Variants in SGK1 observed in about 807,000 individuals in gnomAD.
SGK1 encodes serum/glucocorticoid regulated kinase 1.
In SGK1, 26 loss-of-function variants were observed where a neutral mutation model predicts 64.2. That is an observed-to-expected ratio of 0.40 (90% confidence interval 0.30 to 0.56). The LOEUF (loss-of-function observed/expected upper bound fraction) is 0.56. Ranked by LOEUF, SGK1 falls within the 20% of genes least tolerant of loss-of-function variation. SGK1 has a pLI of 0.38. For missense variants in SGK1, 519 were observed against 645.6 expected (o/e 0.80, Z 2.12); for synonymous variants, 265 against 239.7 (o/e 1.11, Z -0.98).
Position 134,169,749 on chromosome 6 carries a change from A to T in SGK1, c.*519T>A, listed in dbSNP as rs1774947223. ...AGAAACAAACAATGTCCCACGTTGT[A>T]GTGTCCTGCAAGTGTCACATTGATG... On this transcript the variant is annotated 3_prime_UTR_variant, in exon 14 of 14. Coordinates refer to ENST00000367858, the MANE Select transcript of SGK1 (RefSeq NM_001143676.3). The T allele has an allele frequency of 6.5e-6, 1 of 152,722 alleles. No homozygotes were observed. The highest frequency in any genetic ancestry group is 2.1e-4 in the South Asian group (1 of 4,830). The allele number at this position is 152,722 out of a possible 1,614,324, so 9.5% of individuals were successfully genotyped here.
chr6:134,192,670 A>C (rs945096643), intron 3 of SGK1, among the ~76,000 whole-genome samples: 10 of 150,890 alleles, frequency 6.6e-5, no homozygotes, highest in African/African-American at 2.4e-4. Context: ...CCCGGGTTCA[A>C]GCGATTCCCC....
At chr6:134,215,782 T>C (rs1229932185) in intron 2 of SGK1, among the ~76,000 whole-genome samples, 4 of 152,010 alleles carry the variant, frequency 2.6e-5, no homozygotes, top group African/African-American at 9.7e-5. Flanking sequence ...TTTGGGAGGC[T>C]GAGGCAGGTG....
At chr6:134,212,831 C>T (rs1306732229) in intron 2 of SGK1, among the ~76,000 whole-genome samples, 1 of 152,134 alleles carries the variant, frequency 6.6e-6, no homozygotes, top group African/African-American at 2.4e-5. Flanking sequence ...GGGAAAATTG[C>T]CATATGCGAG....
At chr6:134,233,084 A>G (rs1342857237) in intron 2 of SGK1, among the ~76,000 whole-genome samples, 1 of 146,466 alleles carries the variant, frequency 6.8e-6, no homozygotes, top group Non-Finnish European at 1.5e-5. Flanking sequence ...CTATCTCTAT[A>G]CTTTAGTATA....
chr6:134,213,614 C>CT (rs1159545180), intron 2 of SGK1, among the ~76,000 whole-genome samples: 2 of 23,462 alleles, frequency 8.5e-5, no homozygotes, highest in Non-Finnish European at 3.0e-4. Context: ...AACTCTGTCT[C>CT]AAAATAAATA....
At chr6:134,234,426 A>G (rs913491585) in intron 2 of SGK1, among the ~76,000 whole-genome samples, 6 of 152,252 alleles carry the variant, frequency 3.9e-5, no homozygotes, top group Non-Finnish European at 8.8e-5. Flanking sequence ...TAAAATACAA[A>G]TAAAAAACCA....
intron 2 of SGK1, among the ~76,000 whole-genome samples, chr6:134,225,338 G>A (rs1310171596): frequency 7.2e-6 from 1 of 138,906 alleles, no homozygotes; most frequent in Admixed American, 7.4e-5. Context: ...GTGACAGAGC[G>A]AGACTCCATC....
In SGK1 at chr6:134,305,363, CAAAAAAAAAAA is replaced by C. The variant is rs34637536; in HGVS notation, c.69+12018_69+12028del. Reference sequence around the variant, plus strand: ...TGGGCAACAGAGTGATACTTCATCTCAAAAAAAAAAAAAAAAAAAAAAAGGGAAAGAAAACC... The same window carrying C: ...TGGGCAACAGAGTGATACTTCATCTCAAAAAAAAAAAAGGGAAAGAAAACC... On this transcript the variant is annotated intron_variant, in intron 1 of 13. Transcript: ENST00000367858. Among the ~76,000 whole-genome samples, 237 of 65,630 alleles carry C rather than the reference CAAAAAAAAAAA, an allele frequency of 3.6e-3. 2 individuals carry two copies. The highest frequency in any genetic ancestry group is 0.015 in the African/African-American group (222 of 15,068). The allele number at this position is 65,630 out of a possible 152,430, so 43.1% of individuals were successfully genotyped here. A position where few individuals can be genotyped will look rare whatever the true frequency, so the allele number is the denominator to read the frequency against.
intron 1 of SGK1, among the ~76,000 whole-genome samples, chr6:134,282,227 A>T (rs900133563): frequency 6.6e-6 from 1 of 152,036 alleles, no homozygotes. Context: ...CTCAAGCTGG[A>T]GTGCAGTGGC....
In SGK1 at chr6:134,257,977, G is replaced by A. The variant is rs138392839; in HGVS notation, c.285+3956C>T. Among the ~76,000 whole-genome samples, 30 of 152,166 alleles carry A rather than the reference G, an allele frequency of 2.0e-4. 1 individual carries two copies. The highest frequency in any genetic ancestry group is 5.3e-4 in the African/African-American group (22 of 41,492). ...AGAACAACCTGGGGTCTTTACTACC[G>A]GCTTCTGCATCTCACAGCCTCTCCA... On this transcript the variant is annotated intron_variant, in intron 2 of 13. Coordinates refer to ENST00000367858, the MANE Select transcript of SGK1 (RefSeq NM_001143676.3).
At position 134,232,469 on chromosome 6, in the gene SGK1, AAGAAAGAAAGAAAG is replaced by A. The variant is rs1190649780; in HGVS notation, c.286-25052_286-25039del. Among the ~76,000 whole-genome samples the A allele has an allele frequency of 2.3e-3, 107 of 47,344 alleles. 3 individuals are homozygous for A. Among genetic ancestry groups the A allele is most frequent in the African/African-American group, 4.7e-3 (81 of 17,332 alleles). The allele number at this position is 47,344 out of a possible 152,430, so 31.1% of individuals were successfully genotyped here. A position where few individuals can be genotyped will look rare whatever the true frequency, so the allele number is the denominator to read the frequency against. The stretch of plus-strand genomic sequence containing the variant: ...AAAGAAAGAAAGAAAGAAAGAAAGA[AAGAAAGAAAGAAAG>A]AGAAAGAAAAAGAAAAGAAAGAAGA... On this transcript the variant is annotated intron_variant, in intron 2 of 13. Transcript: ENST00000367858.
chr6:134,227,819 C>T (rs1294142520), intron 2 of SGK1, among the ~76,000 whole-genome samples: 2 of 151,954 alleles, frequency 1.3e-5, no homozygotes, highest in Non-Finnish European at 1.5e-5. Flanking sequence ...ACAACTAAAA[C>T]ACATATAGTA....
Position 134,317,372 on chromosome 6 carries a change from T to G in SGK1, c.69+20A>C, listed in dbSNP as rs547174157. ...AGAGAAGCACAGAAAACAAAAGAAA[T>G]AAGCAAAACCTGTCCTTACCCGCTT... On this transcript the variant is annotated intron_variant, in intron 1 of 13. Transcript: ENST00000367858. The G allele has an allele frequency of 1.4e-5, 21 of 1,511,870 alleles. No individual in the cohort carries two copies. In the South Asian group the frequency reaches 2.4e-4, roughly 17 times the overall value. 93.7% of individuals were successfully genotyped at this position (1,511,870 alleles called of 1,614,324 possible).
chr6:134,174,818 G>C, intron 3 of SGK1: 2 of 1,614,070 alleles, frequency 1.2e-6, no homozygotes, highest in Non-Finnish European at 1.7e-6. Flanking sequence ...CACCACCGCG[G>C]GGAGACAGAA....
chr6:134,301,376 G>C (rs17053584), intron 1 of SGK1, among the ~76,000 whole-genome samples: 3,670 of 152,188 alleles, frequency 0.024, 66 homozygotes, highest in East Asian at 0.082. Context: ...CACATTATTG[G>C]TAAGACAGAG....
chr6:134,273,079 C>T (rs1776965241), intron 1 of SGK1, among the ~76,000 whole-genome samples: 1 of 147,986 alleles, frequency 6.8e-6, no homozygotes, highest in African/African-American at 2.4e-5. Flanking sequence ...AGTTTCTGCC[C>T]TTGTAAAATG....
intron 2 of SGK1, among the ~76,000 whole-genome samples, chr6:134,214,287 A>T (rs996344712): frequency 6.6e-5 from 10 of 152,094 alleles, no homozygotes; most frequent in African/African-American, 2.4e-4. Flanking sequence ...ATCACAACTA[A>T]CAATTTCAAC....
At chr6:134,251,835 T>C (rs1451667209) in intron 2 of SGK1, among the ~76,000 whole-genome samples, 1 of 152,130 alleles carries the variant, frequency 6.6e-6, no homozygotes, top group Non-Finnish European at 1.5e-5. Flanking sequence ...GTTCACTGCA[T>C]CCTCAATCTC....
At chr6:134,296,734 T>G (rs1345407386) in intron 1 of SGK1, among the ~76,000 whole-genome samples, 2 of 148,106 alleles carry the variant, frequency 1.4e-5, no homozygotes, top group Non-Finnish European at 3.0e-5. Flanking sequence ...AGCATTCAGC[T>G]CTTTTTTTTT....
Sources: gnomAD v4.1 joint callset for allele counts (sites outside exome capture counted in the v4.1 genomes callset) on GRCh38, gnomAD v4.1.1 for gene constraint, MANE v1.5 for transcripts, NCBI Gene and HGNC (gene_info 2026-07-23, HGNC 2026-07-21) for gene names.